Variants in PDE7B observed in about 807,000 individuals in gnomAD.
PDE7B encodes the protein phosphodiesterase 7B, also known as 3',5'-cyclic-AMP phosphodiesterase 7B.
Under a neutral mutation model 56.2 loss-of-function variants are expected in PDE7B, and 29 were observed. The observed-to-expected ratio is 0.52, with a 90% CI of 0.38 to 0.70. PDE7B has a LOEUF of 0.70. Ranked by LOEUF, PDE7B falls within the 30% of genes least tolerant of loss-of-function variation. The pLI is 0.00. For missense variants in PDE7B, 490 were observed against 565.0 expected, an observed-to-expected ratio of 0.87 and a Z score of 1.35; for synonymous variants, 197 against 196.9, an observed-to-expected ratio of 1.00 and a Z score of 0.00.
intron 2 of PDE7B, among the ~76,000 whole-genome samples, chr6:136,026,397 A>G (rs938588503): frequency 6.6e-6 from 1 of 152,214 alleles, no homozygotes; most frequent in Non-Finnish European, 1.5e-5. Flanking sequence ...CCCAGGTGGC[A>G]GTGAAGATGT....
chr6:135,885,047 C>T (rs752974954), intron 1 of PDE7B, among the ~76,000 whole-genome samples: 6 of 152,118 alleles, frequency 3.9e-5, no homozygotes, highest in East Asian at 3.8e-4. Flanking sequence ...TTGTGTAGAA[C>T]CTGATTCAGG....
At position 135,978,483 on chromosome 6, in the gene PDE7B, T is replaced by C. The variant is rs368484697; in HGVS notation, c.82+30959T>C. ...TAGGCTACACTAACTTGATAAGAAA[T>C]TATTTCTTCAAGAATAAATTAACCG... On this transcript the variant is annotated intron_variant, in intron 2 of 12. Coordinates refer to ENST00000308191, the MANE Select transcript of PDE7B (RefSeq NM_018945.4). Among the ~76,000 whole-genome samples, 16 of 152,240 alleles carry C rather than the reference T, an allele frequency of 1.1e-4. 1 individual carries two copies. Among genetic ancestry groups the C allele is most frequent in the Admixed American group, 5.2e-4 (8 of 15,266 alleles).
intron 6 of PDE7B, 105 bp from the exon 7 acceptor site, chr6:136,153,970 T>G: frequency 1.4e-6 from 1 of 700,090 alleles, no homozygotes; most frequent in Non-Finnish European, 2.5e-6. Flanking sequence ...CTGCACATTT[T>G]GGAGGCACTG....
intron 2 of PDE7B, among the ~76,000 whole-genome samples, chr6:136,011,347 G>A (rs187070080): frequency 6.6e-6 from 1 of 152,318 alleles, no homozygotes; most frequent in Non-Finnish European, 1.5e-5. Flanking sequence ...AAAACGTGGA[G>A]CATCTTTCTT....
At chr6:135,902,316 G>C (rs907606887) in intron 1 of PDE7B, among the ~76,000 whole-genome samples, 3 of 149,206 alleles carry the variant, frequency 2.0e-5, no homozygotes, top group Non-Finnish European at 4.4e-5. Context: ...GCAAGTTTTG[G>C]CTCATTATGT....
At chr6:136,180,739 G>A (rs373747332) in intron 10 of PDE7B, among the ~76,000 whole-genome samples, 44 of 152,352 alleles carry the variant, frequency 2.9e-4, no homozygotes, top group South Asian at 2.1e-3. Context: ...GCATTCCTGG[G>A]TTTGATACGA....
At chr6:135,988,381 G>T (rs1331597998) in intron 2 of PDE7B, among the ~76,000 whole-genome samples, 1 of 152,108 alleles carries the variant, frequency 6.6e-6, no homozygotes, top group Admixed American at 6.5e-5. Context: ...TTAGCACTGA[G>T]CTCATTTAGG....
chr6:136,032,292 G>T (rs1178096094), intron 2 of PDE7B, among the ~76,000 whole-genome samples: 1 of 152,150 alleles, frequency 6.6e-6, no homozygotes, highest in African/African-American at 2.4e-5. Flanking sequence ...TTTGTGTTTA[G>T]TCACTTTGGA....
chr6:136,000,415 T>C (rs1775644633), intron 2 of PDE7B, among the ~76,000 whole-genome samples: 1 of 152,194 alleles, frequency 6.6e-6, no homozygotes, highest in Non-Finnish European at 1.5e-5. Flanking sequence ...CCATATTGAG[T>C]TGATTTTTGT....
chr6:135,956,049 G>T (rs2128200691), intron 2 of PDE7B, among the ~76,000 whole-genome samples: 1 of 152,284 alleles, frequency 6.6e-6, no homozygotes, highest in Admixed American at 6.5e-5. Flanking sequence ...GGTGAGGAGT[G>T]AGATGAGGTT....
chr6:136,166,900 G>A (rs1485070133), intron 8 of PDE7B, among the ~76,000 whole-genome samples: 1 of 152,128 alleles, frequency 6.6e-6, no homozygotes, highest in East Asian at 1.9e-4. Context: ...TTCTCTCAAA[G>A]TAAAAACCAA....
chr6:136,110,443 C>T (rs890281765), intron 3 of PDE7B, among the ~76,000 whole-genome samples: 6 of 152,102 alleles, frequency 3.9e-5, no homozygotes, highest in Admixed American at 6.5e-5. Flanking sequence ...TAGACCAGAA[C>T]GCTCCAACGG....
At chr6:136,035,793 T>A (rs996529826) in intron 2 of PDE7B, among the ~76,000 whole-genome samples, 2 of 152,068 alleles carry the variant, frequency 1.3e-5, no homozygotes, top group Non-Finnish European at 2.9e-5. Context: ...GAGGATACAA[T>A]GGAAATGTAT....
intron 3 of PDE7B, among the ~76,000 whole-genome samples, chr6:136,123,372 TAAC>T (rs1231214852): frequency 3.3e-5 from 5 of 152,226 alleles, no homozygotes. Flanking sequence ...CTCTTGATTA[TAAC>T]AATAATTATT....
At chr6:135,889,425 C>T (rs1562426316) in intron 1 of PDE7B, among the ~76,000 whole-genome samples, 1 of 151,204 alleles carries the variant, frequency 6.6e-6, no homozygotes, top group South Asian at 2.1e-4. Flanking sequence ...CCACCGCACC[C>T]GAATGGTGCT....
intron 1 of PDE7B, among the ~76,000 whole-genome samples, chr6:135,873,456 T>C (rs1000025977): frequency 6.6e-5 from 10 of 152,168 alleles, no homozygotes; most frequent in Admixed American, 1.3e-4. Flanking sequence ...TTTGGCTAAA[T>C]TGTTTTTGAA....
At chr6:135,959,371 A>G (rs1490815133) in intron 2 of PDE7B, among the ~76,000 whole-genome samples, 1 of 152,178 alleles carries the variant, frequency 6.6e-6, no homozygotes, top group Non-Finnish European at 1.5e-5. Context: ...TTATGTCGAA[A>G]TGTAAATTTC....
chr6:135,906,827 T>TTTTTTTTTTTTTTTTTTTTTG lies in PDE7B; in HGVS notation c.22-40628_22-40627insTTTTTTTTTTTGTTTTTTTTT, dbSNP rs1554265693. Among the ~76,000 whole-genome samples the TTTTTTTTTTTTTTTTTTTTTG allele has an allele frequency of 7.5e-5, 10 of 133,454 alleles. 1 individual carries two copies. Among genetic ancestry groups the TTTTTTTTTTTTTTTTTTTTTG allele is most frequent in the Non-Finnish European group, 1.3e-4 (8 of 61,246 alleles). The allele number at this position is 133,454 out of a possible 152,430, so 87.6% of individuals were successfully genotyped here. On this transcript the variant is annotated intron_variant, in intron 1 of 12. Transcript: ENST00000308191. ...TGAGGTTTGTTTTTTTTTTTTTTTT[T>TTTTTTTTTTTTTTTTTTTTTG]TTTTTTTTTAATCCTCTAGGCTTTT... is the stretch of plus-strand genomic sequence containing the variant.
chr6:136,171,146 A>G (rs901504728), intron 8 of PDE7B, among the ~76,000 whole-genome samples: 1 of 152,198 alleles, frequency 6.6e-6, no homozygotes, highest in Non-Finnish European at 1.5e-5. Flanking sequence ...AGTATAAGAA[A>G]TATTCATCAT....
Sources: allele counts gnomAD v4.1 joint callset (sites outside exome capture counted in the v4.1 genomes callset), GRCh38; gene constraint gnomAD v4.1.1; transcripts MANE v1.5; gene names NCBI Gene and HGNC (gene_info 2026-07-23, HGNC 2026-07-21).